The following NCOA1 variants were observed in gnomAD, a reference collection of about 807,000 sequenced individuals.
NCOA1 encodes the protein Hin-2 protein.
A neutral mutation model predicts 150.9 loss-of-function variants in NCOA1; 35 were observed. That is an observed-to-expected ratio of 0.23 (90% confidence interval 0.18 to 0.31). NCOA1 has a LOEUF of 0.31. Ranked by LOEUF, NCOA1 falls within the 10% of genes least tolerant of loss-of-function variation. The probability of loss-of-function intolerance (pLI) is 1.00; values close to 1 mark genes in which losing one functional copy is unlikely to be tolerated. For synonymous variants in NCOA1, 590 were observed against 630.0 expected, an observed-to-expected ratio of 0.94 and a Z score of 0.95; for missense variants, 1,491 against 1,749.3, an observed-to-expected ratio of 0.85 and a Z score of 2.63.
intron 1 of NCOA1, among the ~76,000 whole-genome samples, chr2:24,506,865 T>C (rs1663718337): frequency 1.3e-5 from 2 of 152,178 alleles, no homozygotes; most frequent in Non-Finnish European, 2.9e-5. Context: ...TACCAGAGAG[T>C]ATGTTGATTG....
At chr2:24,530,146 C>T (rs1366911560) in intron 1 of NCOA1, among the ~76,000 whole-genome samples, 1 of 152,178 alleles carries the variant, frequency 6.6e-6, no homozygotes, top group Non-Finnish European at 1.5e-5. Flanking sequence ...AGTCTTTTAG[C>T]TGTCGGTGAG....
chr2:24,594,631 A>G (rs144132331), intron 3 of NCOA1, among the ~76,000 whole-genome samples: 84 of 152,240 alleles, frequency 5.5e-4, no homozygotes, highest in African/African-American at 1.8e-3. Flanking sequence ...TAACATCGGT[A>G]TTACTTGCCT....
At chr2:24,704,723 A>C (rs894010437) in intron 11 of NCOA1, among the ~76,000 whole-genome samples, 7 of 152,050 alleles carry the variant, frequency 4.6e-5, no homozygotes, top group East Asian at 3.9e-4. Context: ...CAGTGAGCCG[A>C]GATCGTGCCA....
chr2:24,506,020 C>T (rs910014542), intron 1 of NCOA1, among the ~76,000 whole-genome samples: 18 of 151,774 alleles, frequency 1.2e-4, no homozygotes, highest in African/African-American at 4.4e-4. Flanking sequence ...GCATTGGGAG[C>T]CATTGGAGCC....
chr2:24,516,186 CTTTTTTTT>C (rs755818385), intron 1 of NCOA1, among the ~76,000 whole-genome samples: 7 of 93,014 alleles, frequency 7.5e-5, no homozygotes, highest in African/African-American at 3.0e-4. Flanking sequence ...TAGGTTTTGC[CTTTTTTTT>C]TTTTTTTTTT....
Position 24,768,341 on chromosome 2 carries a change from A to AC in NCOA1, c.4282dup (p.Gln1428ProfsTer14), listed in dbSNP as rs754333472. 20 of 1,613,212 alleles carry AC rather than the reference A, an allele frequency of 1.2e-5. No homozygotes were observed. The highest frequency in any genetic ancestry group is 4.5e-5 in the East Asian group (2 of 44,872). ...TCAAAAGCCCACGTCAGGACCACAG[A>AC]CCCCCCAGGCCCAGCAGAAGAGCCT... On this transcript the variant is annotated frameshift_variant, in exon 23 of 23. Coordinates refer to ENST00000348332, the MANE Select transcript of NCOA1 (RefSeq NM_003743.5). LOFTEE classifies it high-confidence loss of function.
At chr2:24,581,087 T>G (rs1667176132) in intron 2 of NCOA1, among the ~76,000 whole-genome samples, 1 of 152,194 alleles carries the variant, frequency 6.6e-6, no homozygotes, top group African/African-American at 2.4e-5. Context: ...CCACATTGAT[T>G]TCTCCCTGGC....
chr2:24,500,858 A>T (rs1055909478), intron 1 of NCOA1, among the ~76,000 whole-genome samples: 1 of 152,246 alleles, frequency 6.6e-6, no homozygotes, highest in African/African-American at 2.4e-5. Flanking sequence ...ACAACAACAA[A>T]AAATTTAATG....
intron 1 of NCOA1, among the ~76,000 whole-genome samples, chr2:24,499,231 A>G (rs1663354377): frequency 6.6e-6 from 1 of 152,132 alleles, no homozygotes; most frequent in Admixed American, 6.5e-5. Flanking sequence ...CCAAAAATAG[A>G]TACATCTATT....
chr2:24,533,499 G>A (rs186570125), intron 1 of NCOA1, among the ~76,000 whole-genome samples: 95 of 152,292 alleles, frequency 6.2e-4, no homozygotes, highest in African/African-American at 2.1e-3. Context: ...TAGGAATGGT[G>A]AGAGAGGGCA....
intron 2 of NCOA1, 79 bp downstream of exon 2, chr2:24,564,509 GT>G (rs1277142510): frequency 6.6e-6 from 1 of 152,194 alleles, no homozygotes; most frequent in Non-Finnish European, 1.5e-5. Context: ...TATAGGTTTG[GT>G]GAGTTTAAAA....
chr2:24,503,973 A>G (rs373117387), intron 1 of NCOA1, among the ~76,000 whole-genome samples: 8 of 152,122 alleles, frequency 5.3e-5, no homozygotes, highest in South Asian at 2.1e-4. Flanking sequence ...GACCTCAGGT[A>G]ATCCGCCTGC....
intron 5 of NCOA1, among the ~76,000 whole-genome samples, chr2:24,660,913 T>A (rs7579762): frequency 0.81 from 121,726 of 151,086 alleles, 50,908 homozygotes; most frequent in East Asian, 0.99. Flanking sequence ...AAAAAAAAAA[T>A]TGCCAGTTGT....
At chr2:24,760,142 TC>T (rs1238728975) in intron 21 of NCOA1, among the ~76,000 whole-genome samples, 10 of 149,802 alleles carry the variant, frequency 6.7e-5, no homozygotes, top group Non-Finnish European at 1.2e-4. Flanking sequence ...TTTTTTTTTT[TC>T]TTTTTTTTTT....
At chr2:24,744,567 A>G (rs1001443224) in intron 19 of NCOA1, among the ~76,000 whole-genome samples, 7 of 152,252 alleles carry the variant, frequency 4.6e-5, no homozygotes, top group African/African-American at 1.7e-4. Flanking sequence ...GTTCTGGAAA[A>G]GTTCCAGCCT....
intron 1 of NCOA1, among the ~76,000 whole-genome samples, chr2:24,523,020 A>T (rs556625908): frequency 6.6e-6 from 1 of 152,166 alleles, no homozygotes; most frequent in Non-Finnish European, 1.5e-5. Context: ...TATTCTAAAT[A>T]TTTTACTTGT....
intron 1 of NCOA1, among the ~76,000 whole-genome samples, chr2:24,515,878 T>A (rs776406886): frequency 4.6e-5 from 7 of 152,230 alleles, no homozygotes; most frequent in Non-Finnish European, 1.0e-4. Context: ...AGCTAGTCTA[T>A]AATTTATAGA....
intron 10 of NCOA1, among the ~76,000 whole-genome samples, chr2:24,696,969 T>C (rs766244546): frequency 3.9e-5 from 6 of 152,106 alleles, no homozygotes; most frequent in Non-Finnish European, 8.8e-5. Context: ...ATTCACAAAC[T>C]GGATTAATTG....
At chr2:24,510,281 C>A (rs1052804887) in intron 1 of NCOA1, among the ~76,000 whole-genome samples, 1 of 152,212 alleles carries the variant, frequency 6.6e-6, no homozygotes, top group African/African-American at 2.4e-5. Flanking sequence ...AAACTCCTGA[C>A]TTTAAGTGAT....
Sources: gnomAD v4.1 joint callset for allele counts (sites outside exome capture counted in the v4.1 genomes callset) on GRCh38, gnomAD v4.1.1 for gene constraint, MANE v1.5 for transcripts, NCBI Gene and HGNC (gene_info 2026-07-23, HGNC 2026-07-21) for gene names.